Variants in XIRP2 observed in about 807,000 individuals in gnomAD.
XIRP2 encodes xin actin binding repeat containing 2.
Under a neutral mutation model 277.0 loss-of-function variants are expected in XIRP2, and 236 were observed. That is an observed-to-expected ratio of 0.85 (90% CI 0.77 to 0.95). The LOEUF (loss-of-function observed/expected upper bound fraction) is 0.95, where lower values mean the gene tolerates loss of function less well. Ranked by LOEUF, XIRP2 falls within the 40% of genes least tolerant of loss-of-function variation. The pLI, the probability that XIRP2 is intolerant of heterozygous loss-of-function variation, is 0.00. For missense variants in XIRP2, 4,640 were observed against 4,157.5 expected, an observed-to-expected ratio of 1.12 and a Z score of -3.19; for synonymous variants, 1,490 against 1,416.5, an observed-to-expected ratio of 1.05 and a Z score of -1.17.
Position 166,987,201 on chromosome 2 carries a change from A to G in XIRP2, c.408+83311A>G, listed in dbSNP as rs1328676608. Among the ~76,000 whole-genome samples, 4 of 152,220 alleles carry G rather than the reference A, an allele frequency of 2.6e-5. No homozygotes were observed. The East Asian group carries it at 7.7e-4, about 29-fold the overall frequency. On this transcript the variant is annotated intron_variant, in intron 2 of 10. Transcript: ENST00000409195. ...ATTTTAACATGGGTCCTGCAAGGGA[A>G]TGGAAGACTACCTGAGTCACTTTTG...
At chr2:166,962,208 A>C (rs1686317646) in intron 2 of XIRP2, among the ~76,000 whole-genome samples, 1 of 151,774 alleles carries the variant, frequency 6.6e-6, no homozygotes, top group South Asian at 2.1e-4. Context: ...AAGGTCATCT[A>C]AACAGTCTTT....
chr2:167,146,647 A>C (rs1691873030), intron 3 of XIRP2, among the ~76,000 whole-genome samples: 1 of 152,160 alleles, frequency 6.6e-6, no homozygotes, highest in Non-Finnish European at 1.5e-5. Flanking sequence ...TTGAAATCCC[A>C]AAGTAAAAGA....
At chr2:167,102,082 A>G (rs1690501644) in intron 2 of XIRP2, among the ~76,000 whole-genome samples, 1 of 152,194 alleles carries the variant, frequency 6.6e-6, no homozygotes, top group African/African-American at 2.4e-5. Flanking sequence ...AGTGATCTCA[A>G]CTGAAGGGTT....
At chr2:167,140,222 C>T (rs1413789383) in intron 3 of XIRP2, among the ~76,000 whole-genome samples, 1 of 152,144 alleles carries the variant, frequency 6.6e-6, no homozygotes, top group Non-Finnish European at 1.5e-5. Context: ...ATAGTTTTAT[C>T]ATAGAAACAG....
At chr2:167,054,359 A>T (rs1688991500) in intron 2 of XIRP2, among the ~76,000 whole-genome samples, 1 of 152,178 alleles carries the variant, frequency 6.6e-6, no homozygotes, top group South Asian at 2.1e-4. Flanking sequence ...AATGAAACTG[A>T]CCCACTAGTG....
intron 2 of XIRP2, among the ~76,000 whole-genome samples, chr2:167,086,598 G>A (rs1012641748): frequency 6.6e-6 from 1 of 151,786 alleles, no homozygotes. Context: ...CGTAGATTTG[G>A]TCTTTTCACA....
intron 2 of XIRP2, among the ~76,000 whole-genome samples, chr2:167,030,490 G>A (rs984003176): frequency 6.6e-6 from 1 of 152,062 alleles, no homozygotes; most frequent in Non-Finnish European, 1.5e-5. Context: ...TCATTCAGGA[G>A]CAGGTTGTTC....
intron 2 of XIRP2, among the ~76,000 whole-genome samples, chr2:167,023,761 G>A (rs774015204): frequency 9.2e-5 from 14 of 152,106 alleles, no homozygotes; most frequent in Non-Finnish European, 1.9e-4. Context: ...AGATCAGATG[G>A]TTGTAGATAT....
intron 3 of XIRP2, among the ~76,000 whole-genome samples, chr2:167,151,502 A>G (rs1463590474): frequency 6.6e-6 from 1 of 152,140 alleles, no homozygotes; most frequent in Non-Finnish European, 1.5e-5. Context: ...TCTAAGGAGC[A>G]TAGTCATCTC....
chr2:166,975,514 G>A (rs1203017024), intron 2 of XIRP2, among the ~76,000 whole-genome samples: 1 of 151,988 alleles, frequency 6.6e-6, no homozygotes, highest in Non-Finnish European at 1.5e-5. Context: ...AAAGAAATTA[G>A]AACTTTTGGT....
chr2:166,922,803 C>G (rs1283439259), intron 2 of XIRP2, among the ~76,000 whole-genome samples: 3 of 149,346 alleles, frequency 2.0e-5, no homozygotes, highest in Non-Finnish European at 4.5e-5. Flanking sequence ...TATTTTCTTT[C>G]TTCTTTTCTT....
chr2:167,071,053 T>G (rs1689425533), intron 2 of XIRP2, among the ~76,000 whole-genome samples: 2 of 152,170 alleles, frequency 1.3e-5, no homozygotes, highest in South Asian at 4.1e-4. Flanking sequence ...CTCTAGCAAG[T>G]GTCAGGACAA....
intron 2 of XIRP2, among the ~76,000 whole-genome samples, chr2:167,025,898 G>A (rs1441135767): frequency 1.3e-5 from 2 of 152,014 alleles, no homozygotes; most frequent in Non-Finnish European, 2.9e-5. Context: ...TTTGGAATAG[G>A]TGTGGTGTGG....
chr2:167,242,518 C>G (rs1400843633), intron 8 of XIRP2, 51 bp from the exon 9 acceptor site: 5 of 1,540,796 alleles, frequency 3.2e-6, no homozygotes, highest in Non-Finnish European at 4.4e-6. Context: ...GCCTAGGAAG[C>G]CTCTGCCACT....
chr2:167,239,888 A>G lies in XIRP2; in HGVS notation c.892A>G (p.Arg298Gly), dbSNP rs1695002781. ...TCATAGCAGCCAGGTTGGCACTTCA[A>G]GAAGCAGCCAGGAAATGGCAAGAAA... Reference protein sequence around the residue: ...AIHSSQVGTSRSSQEMARNEQ... With the variant: ...AIHSSQVGTSGSSQEMARNEQ... The change falls in exon 6 of 11, where the codon AGA becomes GGA. Residue 298 changes from arginine to glycine, a missense_variant. Arg to Gly is a moderately radical substitution (Grantham distance 125). Transcript: ENST00000409195. 9.3e-6 allele frequency: 15 copies of G among 1,610,784 alleles called. No individual in the cohort carries two copies. Among genetic ancestry groups the G allele is most frequent in the Non-Finnish European group, 1.3e-5 (15 of 1,178,816 alleles).
At chr2:167,102,950 T>C (rs564047623) in intron 2 of XIRP2, among the ~76,000 whole-genome samples, 5 of 152,128 alleles carry the variant, frequency 3.3e-5, no homozygotes, top group Admixed American at 6.6e-5. Context: ...AGACTAATTG[T>C]TGTAAATAAA....
At chr2:167,225,144 G>A (rs1395109365) in intron 5 of XIRP2, among the ~76,000 whole-genome samples, 1 of 152,180 alleles carries the variant, frequency 6.6e-6, no homozygotes, top group African/African-American at 2.4e-5. Flanking sequence ...GTTTTCTTAA[G>A]TGGGAACAAA....
Position 167,258,985 on chromosome 2 carries a change from C to G in XIRP2, c.*1168C>G. On this transcript the variant is annotated 3_prime_UTR_variant, in exon 11 of 11. Coordinates refer to ENST00000409195, the MANE Select transcript of XIRP2 (RefSeq NM_152381.6). ...TTATGGTAAAGGGGGGAAGTTCAATCATCTCTCCTGATACAAATCTCTTAA... is the reference window on the plus strand; with the variant it reads ...TTATGGTAAAGGGGGGAAGTTCAATGATCTCTCCTGATACAAATCTCTTAA... 1 of 1,611,758 alleles carries G rather than the reference C, an allele frequency of 6.2e-7. No individual in the cohort carries two copies. The highest frequency in any genetic ancestry group is 1.1e-5 in the South Asian group (1 of 90,850).
chr2:167,136,884 T>C (rs979481683), intron 3 of XIRP2, among the ~76,000 whole-genome samples: 10 of 152,226 alleles, frequency 6.6e-5, no homozygotes, highest in African/African-American at 2.4e-5. Context: ...TTTGGAATAT[T>C]ACAGTTCACA....
Sources: allele counts gnomAD v4.1 joint callset (sites outside exome capture counted in the v4.1 genomes callset), GRCh38; gene constraint gnomAD v4.1.1; transcripts MANE v1.5; gene names NCBI Gene and HGNC (gene_info 2026-07-23, HGNC 2026-07-21).